PTPRE: variants seen among roughly 807,000 people sequenced by gnomAD.
PTPRE encodes the protein protein tyrosine phosphatase receptor type E.
Under a neutral mutation model 102.0 loss-of-function variants are expected in PTPRE, and 51 were observed. The ratio of observed to expected loss-of-function variants is 0.50; its 90% CI spans 0.40 to 0.63. PTPRE has a LOEUF of 0.63. Among genes scored for constraint, PTPRE ranks in the 30% least tolerant of loss-of-function variants. PTPRE has a pLI of 0.00. For missense variants in PTPRE, 752 were observed against 915.1 expected (o/e 0.82, Z 2.30); for synonymous variants, 345 against 348.2 (o/e 0.99, Z 0.10).
rs1320302509 is a variant in PTPRE, at chr10:128,051,206, G to A, written c.420+1540G>A. Among the ~76,000 whole-genome samples the A allele has an allele frequency of 2.6e-5, 4 of 152,158 alleles. No homozygotes were observed. The East Asian group carries it at 5.8e-4, about 22-fold the overall frequency. ...GTGACAGGGGCTGGGCTTGCTGATG[G>A]GGGTGTCTGAGTCAGAACCAGCTCA... On this transcript the variant is annotated intron_variant, in intron 6 of 20. Transcript: ENST00000254667.
At chr10:128,002,132 G>T (rs1390498027) in intron 2 of PTPRE, among the ~76,000 whole-genome samples, 1 of 152,188 alleles carries the variant, frequency 6.6e-6, no homozygotes, top group African/African-American at 2.4e-5. Context: ...GGCAGCCACG[G>T]TCTCAGCCGT....
intron 11 of PTPRE, 118 bp from the exon 12 acceptor site, chr10:128,068,005 C>A: frequency 1.7e-6 from 2 of 1,179,118 alleles, no homozygotes; most frequent in South Asian, 1.5e-5. Context: ...TGTGGATGGG[C>A]CCCTCCCCTA....
At chr10:127,983,828 A>T (rs1475994236) in intron 2 of PTPRE, among the ~76,000 whole-genome samples, 1 of 152,126 alleles carries the variant, frequency 6.6e-6, no homozygotes, top group Admixed American at 6.5e-5. Flanking sequence ...CCCATCAGTG[A>T]GTCAGCAGCT....
chr10:128,060,926 GTT>G lies in PTPRE; in HGVS notation c.512-6_512-5del, dbSNP rs747258751. The stretch of plus-strand genomic sequence containing the variant: ...GTCCTAATATCTTGGCTTTGTTTGG[GTT>G]TTTTTTCCAGATGACCATTCTAGGG... On this transcript the variant is annotated splice_polypyrimidine_tract_variant and intron_variant, in intron 7 of 20. Transcript: ENST00000254667. 6.2e-7 allele frequency: 1 copy of G among 1,612,116 alleles called. No homozygotes were observed. The highest frequency in any genetic ancestry group is 1.1e-5 in the South Asian group (1 of 91,022).
At chr10:127,920,225 GTAACAA>G (rs1301854158) in intron 1 of PTPRE, among the ~76,000 whole-genome samples, 2 of 152,204 alleles carry the variant, frequency 1.3e-5, no homozygotes, top group African/African-American at 4.8e-5. Context: ...TCAGCCTCTA[GTAACAA>G]ATGACACAAG....
intron 3 of PTPRE, among the ~76,000 whole-genome samples, chr10:128,046,308 G>C (rs1227710709): frequency 6.6e-6 from 1 of 152,202 alleles, no homozygotes; most frequent in Non-Finnish European, 1.5e-5. Flanking sequence ...AGTGCCCGGA[G>C]CACCCTCGGG....
intron 1 of PTPRE, chr10:127,964,841 C>A: frequency 3.1e-6 from 1 of 317,884 alleles, no homozygotes; most frequent in Admixed American, 4.3e-5. Flanking sequence ...GCGCTTGCAG[C>A]CAGTTGTCTA....
intron 5 of PTPRE, among the ~76,000 whole-genome samples, chr10:128,048,501 G>T (rs541698296): frequency 6.6e-6 from 1 of 152,128 alleles, no homozygotes; most frequent in South Asian, 2.1e-4. Context: ...CACACGTGCC[G>T]TCAGACTAAA....
chr10:128,069,311 T>C (rs954716401), intron 12 of PTPRE: 17 of 175,120 alleles, frequency 9.7e-5, no homozygotes, highest in African/African-American at 4.1e-4. Context: ...AGAGGGAGGC[T>C]GGATACCAGA....
At chr10:127,953,320 C>T (rs1589819877) in intron 1 of PTPRE, among the ~76,000 whole-genome samples, 1 of 152,190 alleles carries the variant, frequency 6.6e-6, no homozygotes, top group East Asian at 1.9e-4. Context: ...ACGGTGAAGG[C>T]TCTTAGGATT....
chr10:128,016,856 G>C (rs958276316), intron 2 of PTPRE, among the ~76,000 whole-genome samples: 9 of 152,202 alleles, frequency 5.9e-5, no homozygotes, highest in Non-Finnish European at 1.0e-4. Context: ...CCTTCCTGCC[G>C]GGGAGACCTG....
At chr10:127,979,140 C>T (rs1365209696) in intron 1 of PTPRE, among the ~76,000 whole-genome samples, 3 of 152,182 alleles carry the variant, frequency 2.0e-5, no homozygotes, top group African/African-American at 7.2e-5. Context: ...CTCCACAGCC[C>T]GAGAAATCTA....
chr10:127,984,235 C>T (rs1304600375), intron 2 of PTPRE, among the ~76,000 whole-genome samples: 2 of 151,968 alleles, frequency 1.3e-5, no homozygotes, highest in African/African-American at 2.4e-5. Flanking sequence ...ACAAGCACCA[C>T]CATGTCTGGC....
intron 2 of PTPRE, among the ~76,000 whole-genome samples, chr10:128,012,696 A>C (rs532746505): frequency 1.4e-4 from 22 of 152,176 alleles, no homozygotes; most frequent in Non-Finnish European, 2.6e-4. Flanking sequence ...TGGCATATTC[A>C]GCACCTAGGA....
chr10:127,909,729 AG>A (rs2135120862), intron 1 of PTPRE, among the ~76,000 whole-genome samples: 1 of 152,342 alleles, frequency 6.6e-6, no homozygotes, highest in East Asian at 1.9e-4. Flanking sequence ...TGTGCCTACC[AG>A]TGGAGCCTTG....
chr10:127,971,625 C>T (rs1000409911), intron 1 of PTPRE, among the ~76,000 whole-genome samples: 1 of 152,242 alleles, frequency 6.6e-6, no homozygotes, highest in African/African-American at 2.4e-5. Context: ...CCCATCCCGG[C>T]CTGCAGCGAG....
intron 1 of PTPRE, among the ~76,000 whole-genome samples, chr10:127,967,940 C>T (rs1303481271): frequency 4.6e-5 from 7 of 152,090 alleles, no homozygotes; most frequent in Non-Finnish European, 1.0e-4. Flanking sequence ...CTACTATGTG[C>T]AAGGCCTTGC....
At chr10:127,973,268 A>G (rs544109998) in intron 1 of PTPRE, among the ~76,000 whole-genome samples, 1 of 152,240 alleles carries the variant, frequency 6.6e-6, no homozygotes, top group South Asian at 2.1e-4. Flanking sequence ...GCCTAGACAC[A>G]TTTCTGTTAG....
In PTPRE at chr10:127,930,077, AAAAG is replaced by A. The variant is rs1048279642; in HGVS notation, c.-31+22780_-31+22783del. ...ATTCCATCTCAAAAAAAAAAAAAAA[AAAAG>A]AAAGAAAGAAAACAAAAGCATTGTT... On this transcript the variant is annotated intron_variant, in intron 1 of 20. Transcript: ENST00000254667. Among the ~76,000 whole-genome samples the A allele has an allele frequency of 1.1e-4, 17 of 151,714 alleles. No homozygotes were observed. In the East Asian group the frequency reaches 1.4e-3, roughly 12 times the overall value.
Sources: gnomAD v4.1 joint callset for allele counts (sites outside exome capture counted in the v4.1 genomes callset) on GRCh38, gnomAD v4.1.1 for gene constraint, MANE v1.5 for transcripts, NCBI Gene and HGNC (gene_info 2026-07-23, HGNC 2026-07-21) for gene names.